The following CCDC85A variants were observed in gnomAD, a reference collection of about 807,000 sequenced individuals.
CCDC85A encodes the protein coiled-coil domain-containing protein 85A.
CCDC85A carries 38 observed loss-of-function variants against 50.2 expected under a neutral mutation model. The ratio of observed to expected loss-of-function variants is 0.76; its 90% CI spans 0.58 to 0.99. The LOEUF (loss-of-function observed/expected upper bound fraction) is 0.99. Among genes scored for constraint, CCDC85A ranks in the 50% least tolerant of loss-of-function variants. CCDC85A has a pLI of 0.00. For missense variants in CCDC85A, 820 were observed against 742.0 expected, an observed-to-expected ratio of 1.11 and a Z score of -1.22; for synonymous variants, 366 against 301.4, an observed-to-expected ratio of 1.21 and a Z score of -2.22.
intron 2 of CCDC85A, among the ~76,000 whole-genome samples, chr2:56,229,431 G>T (rs1483168909): frequency 1.3e-5 from 2 of 152,138 alleles, no homozygotes; most frequent in African/African-American, 2.4e-5. Flanking sequence ...ATTGTTGCTT[G>T]TAATTATGGA....
chr2:56,377,650 A>C (rs1676397598), intron 5 of CCDC85A, among the ~76,000 whole-genome samples: 1 of 152,066 alleles, frequency 6.6e-6, no homozygotes. Flanking sequence ...TATCTCTGGG[A>C]GGCCAAGGTA....
chr2:56,270,862 T>G (rs1427450657), intron 2 of CCDC85A, among the ~76,000 whole-genome samples: 7 of 152,182 alleles, frequency 4.6e-5, no homozygotes, highest in Admixed American at 3.9e-4. Context: ...GCCACTAAAT[T>G]TATTACCAGT....
chr2:56,365,668 G>A (rs144906895), intron 3 of CCDC85A, among the ~76,000 whole-genome samples: 6 of 152,126 alleles, frequency 3.9e-5, no homozygotes, highest in East Asian at 3.8e-4. Context: ...CATCTTTACT[G>A]TGTACAACAT....
chr2:56,283,941 A>G (rs924609196), intron 2 of CCDC85A, among the ~76,000 whole-genome samples: 2 of 151,978 alleles, frequency 1.3e-5, no homozygotes, highest in South Asian at 2.1e-4. Context: ...GTCTTTTTCC[A>G]TAGCTTCTTA....
chr2:56,269,221 A>G (rs576292555), intron 2 of CCDC85A, among the ~76,000 whole-genome samples: 11 of 152,138 alleles, frequency 7.2e-5, no homozygotes, highest in Non-Finnish European at 1.6e-4. Flanking sequence ...AACTTACCTT[A>G]CCTGGGACAC....
intron 2 of CCDC85A, among the ~76,000 whole-genome samples, chr2:56,336,713 G>A (rs950999835): frequency 6.6e-6 from 1 of 152,102 alleles, no homozygotes; most frequent in African/African-American, 2.4e-5. Context: ...AAGTAAAGAG[G>A]GTTTCATATT....
chr2:56,256,022 C>T (rs1193971923), intron 2 of CCDC85A, among the ~76,000 whole-genome samples: 1 of 151,914 alleles, frequency 6.6e-6, no homozygotes. Context: ...TGTACATATC[C>T]TATGTAGAAT....
At chr2:56,260,080 A>C (rs1670156984) in intron 2 of CCDC85A, among the ~76,000 whole-genome samples, 1 of 152,202 alleles carries the variant, frequency 6.6e-6, no homozygotes. Flanking sequence ...ACAATAAAAG[A>C]GAAGTAGGAT....
At chr2:56,257,750 G>A (rs891286286) in intron 2 of CCDC85A, among the ~76,000 whole-genome samples, 1 of 152,178 alleles carries the variant, frequency 6.6e-6, no homozygotes, top group African/African-American at 2.4e-5. Context: ...AGGGAGATGA[G>A]TTAGGAAGCT....
intron 2 of CCDC85A, among the ~76,000 whole-genome samples, chr2:56,329,532 A>G (rs1673661322): frequency 6.6e-6 from 1 of 152,226 alleles, no homozygotes; most frequent in African/African-American, 2.4e-5. Flanking sequence ...AATTTAGATT[A>G]TCTAAACTAA....
intron 3 of CCDC85A, among the ~76,000 whole-genome samples, chr2:56,362,118 C>A (rs1675556628): frequency 6.6e-6 from 1 of 152,142 alleles, no homozygotes; most frequent in Non-Finnish European, 1.5e-5. Flanking sequence ...CCAGAAGGAA[C>A]TACTCACAGA....
intron 2 of CCDC85A, among the ~76,000 whole-genome samples, chr2:56,319,301 A>G (rs567555067): frequency 6.6e-6 from 1 of 152,216 alleles, no homozygotes; most frequent in South Asian, 2.1e-4. Context: ...TCCACAGAGT[A>G]CATACTGGAG....
In CCDC85A at chr2:56,336,342, C is replaced by T. The variant is rs551856103; in HGVS notation, c.1241-6537C>T. Among the ~76,000 whole-genome samples the T allele has an allele frequency of 2.2e-4, 33 of 152,016 alleles. No individual in the cohort carries two copies. The South Asian group carries it at 6.0e-3, about 28-fold the overall frequency. On this transcript the variant is annotated intron_variant, in intron 2 of 5. Coordinates refer to ENST00000407595, the MANE Select transcript of CCDC85A (RefSeq NM_001080433.2). ...CTAATTTTTGTATTTTTAGTAGATACGGGGTTTCACCATATTGTCAAGGCT... is the reference window on the plus strand; with the variant it reads ...CTAATTTTTGTATTTTTAGTAGATATGGGGTTTCACCATATTGTCAAGGCT...
At chr2:56,277,443 T>C (rs1295260339) in intron 2 of CCDC85A, among the ~76,000 whole-genome samples, 1 of 152,130 alleles carries the variant, frequency 6.6e-6, no homozygotes, top group African/African-American at 2.4e-5. Flanking sequence ...AACATAGAAT[T>C]TTAGAGCTGA....
chr2:56,244,003 C>T (rs1669388958), intron 2 of CCDC85A, among the ~76,000 whole-genome samples: 1 of 152,184 alleles, frequency 6.6e-6, no homozygotes, highest in African/African-American at 2.4e-5. Context: ...GAGTCTCTCT[C>T]TCTTTCTTTC....
chr2:56,202,379 T>C (rs1027121625), intron 2 of CCDC85A, among the ~76,000 whole-genome samples: 2 of 152,158 alleles, frequency 1.3e-5, no homozygotes, highest in African/African-American at 2.4e-5. Flanking sequence ...GTATCCTTTT[T>C]CCTCCCACAC....
intron 2 of CCDC85A, among the ~76,000 whole-genome samples, chr2:56,303,198 C>T (rs542639025): frequency 3.0e-4 from 45 of 152,228 alleles, no homozygotes; most frequent in East Asian, 9.6e-4. Context: ...ATTCGGAGTG[C>T]GCTTTTTGAG....
At chr2:56,358,921 A>T (rs1200411650) in intron 3 of CCDC85A, among the ~76,000 whole-genome samples, 1 of 150,318 alleles carries the variant, frequency 6.7e-6, no homozygotes, top group Non-Finnish European at 1.5e-5. Context: ...TGTAGCTGGG[A>T]TTACAGGCTT....
chr2:56,363,730 C>A (rs2032696), intron 3 of CCDC85A, among the ~76,000 whole-genome samples: 18,556 of 152,164 alleles, frequency 0.12, 1,157 homozygotes, highest in African/African-American at 0.14. Context: ...CATGTGTTCC[C>A]CTGGGCCCTG....
Sources: allele counts gnomAD v4.1 joint callset (sites outside exome capture counted in the v4.1 genomes callset), GRCh38; gene constraint gnomAD v4.1.1; transcripts MANE v1.5; gene names NCBI Gene and HGNC (gene_info 2026-07-23, HGNC 2026-07-21).